Variants in PLG observed in about 807,000 individuals in gnomAD.
PLG encodes plasmin.
In PLG, 41 loss-of-function variants were observed where a neutral mutation model predicts 104.4. The ratio of observed to expected loss-of-function variants is 0.39; its 90% confidence interval spans 0.31 to 0.51. The LOEUF (loss-of-function observed/expected upper bound fraction) is 0.51. Ranked by LOEUF, PLG falls within the 20% of genes least tolerant of loss-of-function variation. The pLI is 0.76. For missense variants in PLG, 891 were observed against 1,003.6 expected (o/e 0.89, Z 1.52); for synonymous variants, 337 against 357.1 (o/e 0.94, Z 0.63).
rs147175166 is a variant in PLG at position 160,741,337 on chromosome 6, T to A, written c.2045T>A (p.Ile682Asn). 1.2e-3 allele frequency: 2,003 copies of A among 1,611,480 alleles called. 1 individual carries two copies. The highest frequency in any genetic ancestry group is 1.6e-3 in the Non-Finnish European group (1,900 of 1,177,536). ...CCTGCCGTCATCACTGACAAAGTAA[T>A]CCCAGCTTGTCTGCCATCCCCAAAT... ...SSPAVITDKV[I>N]PACLPSPNYV... Residue 682 changes from isoleucine to asparagine, a missense_variant, in exon 17 of 19, where the codon ATC becomes AAC. By Grantham distance (149) the Ile-to-Asn change is moderately radical. Coordinates refer to ENST00000308192, the MANE Select transcript of PLG (RefSeq NM_000301.5). This position sits in a 1 kb window ranked among gnomAD's most constrained non-coding sequence, Gnocchi z 4.7.
chr6:160,707,876 TA>T, intron 3 of PLG, 70 bp downstream of exon 3: 1 of 1,099,966 alleles, frequency 9.1e-7, no homozygotes, highest in Non-Finnish European at 1.4e-6. Context: ...TTCTCTATTC[TA>T]TCTTTAATTT....
At chr6:160,711,929 T>G (rs1043824092) in intron 4 of PLG, 2 of 1,315,222 alleles carry the variant, frequency 1.5e-6, no homozygotes, top group Admixed American at 3.6e-5. Context: ...TGCATTTTTT[T>G]GTACTTTTCC....
chr6:160,717,524 G>A (rs1338567904), intron 7 of PLG, among the ~76,000 whole-genome samples: 1 of 151,708 alleles, frequency 6.6e-6, no homozygotes, highest in East Asian at 1.9e-4. Context: ...ATTTCTGGAT[G>A]CACACACTTT....
chr6:160,717,701 G>A (rs553896157), intron 7 of PLG, among the ~76,000 whole-genome samples: 3 of 152,280 alleles, frequency 2.0e-5, no homozygotes, highest in South Asian at 2.1e-4. Flanking sequence ...GAGGTGACAC[G>A]TGTTGATACT....
In PLG at chr6:160,752,475, G is replaced by C. The variant is rs867833080; in HGVS notation, c.2271+215G>C. Among the ~76,000 whole-genome samples, 1 of 152,164 alleles carries C rather than the reference G, an allele frequency of 6.6e-6. No homozygotes were observed. The highest frequency in any genetic ancestry group is 1.5e-5 in the Non-Finnish European group (1 of 68,028). ...CTTGAGTTCCAAATCAGTAGCAAGC[G>C]AGTTTTAAGTGCCATAACTACCTCA... On this transcript the variant is annotated intron_variant, in intron 18 of 18. Transcript: ENST00000308192. This position sits in a 1 kb window ranked among gnomAD's most constrained non-coding sequence, Gnocchi z 4.7.
Position 160,752,976 on chromosome 6 carries a change from G to A in PLG, c.2348G>A (p.Gly783Asp). 6.2e-7 allele frequency: 1 copy of A among 1,612,286 alleles called. No homozygotes were observed. Among genetic ancestry groups the A allele is most frequent in the Admixed American group, 1.7e-5 (1 of 59,958 alleles). Residue 783 changes from glycine to aspartate, a missense_variant, in exon 19 of 19, where the codon GGC becomes GAC. Physicochemically the swap from Gly to Asp is moderately conservative, Grantham distance 94 (BLOSUM62 -1). Transcript: ENST00000308192. This position sits in a 1 kb window ranked among gnomAD's most constrained non-coding sequence, Gnocchi z 4.7. ...CAAGGAGTCACTTCTTGGGGTCTTG[G>A]CTGTGCACGCCCCAATAAGCCTGGT... ...ILQGVTSWGL[G>D]CARPNKPGVY...
chr6:160,751,642 T>C (rs1450623492), intron 17 of PLG, among the ~76,000 whole-genome samples: 3 of 152,208 alleles, frequency 2.0e-5, no homozygotes, highest in Non-Finnish European at 4.4e-5. Context: ...CTCATGTTCA[T>C]TAAGCAGTAG....
At position 160,752,418 on chromosome 6, in the gene PLG, G is replaced by A. The variant is rs895153350; in HGVS notation, c.2271+158G>A. Among the ~76,000 whole-genome samples the A allele has an allele frequency of 2.2e-4, 33 of 152,166 alleles. No individual in the cohort carries two copies. The highest frequency in any genetic ancestry group is 1.1e-3 in the Admixed American group (17 of 15,284). On this transcript the variant is annotated intron_variant, in intron 18 of 18. Transcript: ENST00000308192. This position sits in a 1 kb window ranked among gnomAD's most constrained non-coding sequence, Gnocchi z 4.7. Reference sequence around the variant, plus strand: ...ACTTCCTAGATCTGTCCCTGAATGCGTATTCAGATCATCTAAGGGGATGTC... The same window carrying A: ...ACTTCCTAGATCTGTCCCTGAATGCATATTCAGATCATCTAAGGGGATGTC...
In PLG at chr6:160,734,761, A is replaced by G. The variant is rs566802538; in HGVS notation, c.1681+673A>G. On this transcript the variant is annotated intron_variant, in intron 13 of 18. Coordinates refer to ENST00000308192, the MANE Select transcript of PLG (RefSeq NM_000301.5). This position sits in a 1 kb window ranked among gnomAD's most constrained non-coding sequence, Gnocchi z 4.4. The stretch of plus-strand genomic sequence containing the variant: ...GGTATTTCTGAAAAAAAAAAAAAAA[A>G]AAAGAAAGGAAGCTACTTGGAATTG... Among the ~76,000 whole-genome samples, 210 of 152,102 alleles carry G rather than the reference A, an allele frequency of 1.4e-3. 4 individuals carry two copies. The East Asian group carries it at 0.021, about 15-fold the overall frequency.
chr6:160,717,143 G>C (rs966012826), intron 7 of PLG, among the ~76,000 whole-genome samples: 1 of 151,368 alleles, frequency 6.6e-6, no homozygotes, highest in Non-Finnish European at 1.5e-5. Flanking sequence ...AACAAAGAGT[G>C]TCTTTGTTTA....
In PLG at chr6:160,706,396, C is replaced by A; in HGVS notation, c.50-11C>A. 6.2e-7 allele frequency: 1 copy of A among 1,612,392 alleles called. No individual in the cohort carries two copies. On this transcript the variant is annotated splice_polypyrimidine_tract_variant and intron_variant, in intron 1 of 18. Coordinates refer to ENST00000308192, the MANE Select transcript of PLG (RefSeq NM_000301.5). Reference sequence around the variant, plus strand: ...CTGACCATTTATTCCACTTGGATCTCCCACCTCTAGGTCAAGGAGAGCCTC... The same window carrying A: ...CTGACCATTTATTCCACTTGGATCTACCACCTCTAGGTCAAGGAGAGCCTC...
Position 160,718,450 on chromosome 6 carries a change from C to T in PLG, c.944C>T (p.Pro315Leu). 1 of 1,611,590 alleles carries T rather than the reference C, an allele frequency of 6.2e-7. No individual in the cohort carries two copies. The highest frequency in any genetic ancestry group is 8.5e-7 in the Non-Finnish European group (1 of 1,177,688). The change falls in exon 8 of 19, where the codon CCC becomes CTC. Residue 315 changes from proline to leucine, a missense_variant. Around this residue, in one of 2 missense-constraint regions of PLG, gnomAD observed 854 missense variants for 932.1 expected, o/e 0.92. Coordinates refer to ENST00000308192, the MANE Select transcript of PLG (RefSeq NM_000301.5). ...HTHNRTPENFPCKNLDENYCR... is the reference protein window; with the variant it reads ...HTHNRTPENFLCKNLDENYCR... Reference sequence around the variant, plus strand: ...CATAACAGGACACCAGAAAACTTCCCCTGCAAGTAAGTCCCCTCCGGTCTC... The same window carrying T: ...CATAACAGGACACCAGAAAACTTCCTCTGCAAGTAAGTCCCCTCCGGTCTC...
intron 2 of PLG, 34 bp downstream of exon 2, chr6:160,706,576 C>G (rs781366723): frequency 2.3e-5 from 36 of 1,597,296 alleles, no homozygotes; most frequent in Non-Finnish European, 5.1e-6. Context: ...ACGCAGGAAT[C>G]TGTAATTCAG....
intron 17 of PLG, among the ~76,000 whole-genome samples, chr6:160,746,508 G>C (rs1043792580): frequency 1.3e-5 from 2 of 152,166 alleles, no homozygotes; most frequent in Non-Finnish European, 2.9e-5. Flanking sequence ...TTTTAAACCA[G>C]TGATTTTGTC....
rs1270303802 is a variant in PLG at position 160,737,780 on chromosome 6, G to A, written c.1803-758G>A. Among the ~76,000 whole-genome samples, 1 of 152,100 alleles carries A rather than the reference G, an allele frequency of 6.6e-6. No homozygotes were observed. The highest frequency in any genetic ancestry group is 2.4e-5 in the African/African-American group (1 of 41,408). On this transcript the variant is annotated intron_variant, in intron 14 of 18. Transcript: ENST00000308192. This position sits in a 1 kb window ranked among gnomAD's most constrained non-coding sequence, Gnocchi z 4.7. ...TGAAATGCCATCGACAAACCTGATC[G>A]CATTGCATTTCACTCTGCTGTTGAG...
rs1340835396 is a variant in PLG at position 160,740,130 on chromosome 6, G to A, written c.2018+922G>A. The stretch of plus-strand genomic sequence containing the variant: ...CATGGCCTGGATGAGAAGGCACGGG[G>A]CAGGAGCCTGAGCTGCTCTCCTGGG... On this transcript the variant is annotated intron_variant, in intron 16 of 18. Coordinates refer to ENST00000308192, the MANE Select transcript of PLG (RefSeq NM_000301.5). The surrounding 1 kb of genome is among the most constrained non-coding windows in gnomAD (Gnocchi z 5.2). 6.6e-6 allele frequency among the ~76,000 whole-genome samples: 1 copy of A among 152,212 alleles called. No homozygotes were observed. Among genetic ancestry groups the A allele is most frequent in the Non-Finnish European group, 1.5e-5 (1 of 68,046 alleles).
At chr6:160,722,163 G>C (rs765609867) in intron 9 of PLG, among the ~76,000 whole-genome samples, 23 of 152,146 alleles carry the variant, frequency 1.5e-4, no homozygotes, top group Non-Finnish European at 2.5e-4. Flanking sequence ...TTGCATGTAA[G>C]TGCAATTTCC....
rs1053538636 is a variant in PLG, at chr6:160,735,599, T to C, written c.1682-1288T>C. ...ACACTTGGAAATCCTGAGGACTGTT[T>C]CATGCAGAAGGATATGGTTTATTCA... On this transcript the variant is annotated intron_variant, in intron 13 of 18. Coordinates refer to ENST00000308192, the MANE Select transcript of PLG (RefSeq NM_000301.5). The surrounding 1 kb of genome is among the most constrained non-coding windows in gnomAD (Gnocchi z 5.4). 3.2e-4 allele frequency among the ~76,000 whole-genome samples: 48 copies of C among 152,360 alleles called. No individual in the cohort carries two copies. Among genetic ancestry groups the C allele is most frequent in the African/African-American group, 1.1e-3 (47 of 41,592 alleles).
chr6:160,747,336 T>G (rs1233555478), intron 17 of PLG, among the ~76,000 whole-genome samples: 1 of 152,228 alleles, frequency 6.6e-6, no homozygotes. Flanking sequence ...TTCTTCTCTT[T>G]GCAGTATGCC....
Sources: allele counts gnomAD v4.1 joint callset (sites outside exome capture counted in the v4.1 genomes callset), GRCh38; gene constraint gnomAD v4.1.1; regional missense constraint gnomAD v4.1.1; non-coding constraint Gnocchi (gnomAD v3.1); transcripts MANE v1.5; gene names NCBI Gene and HGNC (gene_info 2026-07-23, HGNC 2026-07-21).